Variants in IGF2R observed in about 807,000 individuals in gnomAD.
IGF2R encodes cation-independent mannose-6-phosphate receptor.
A neutral mutation model predicts 270.6 loss-of-function variants in IGF2R; 91 were observed. The ratio of observed to expected loss-of-function variants is 0.34; its 90% CI spans 0.28 to 0.40. IGF2R has a LOEUF of 0.40. IGF2R is among the 10% of genes least tolerant of loss of function. IGF2R has a pLI of 1.00. For missense variants in IGF2R, 2,805 were observed against 3,188.3 expected, an observed-to-expected ratio of 0.88 and a Z score of 2.90; for synonymous variants, 1,316 against 1,258.9, an observed-to-expected ratio of 1.05 and a Z score of -0.96.
chr6:160,031,527 G>T (rs1777696227), intron 7 of IGF2R, among the ~76,000 whole-genome samples: 1 of 151,972 alleles, frequency 6.6e-6, no homozygotes, highest in African/African-American at 2.4e-5. Flanking sequence ...TCCTGTCTCT[G>T]TGGATTGGCC....
Position 160,063,540 on chromosome 6 carries a change from T to C in IGF2R, c.3796T>C (p.Ser1266Pro). ...TYYFRVCGKLSSDVCPTSDKS... is the reference protein window; with the variant it reads ...TYYFRVCGKLPSDVCPTSDKS... Reference sequence around the variant, plus strand: ...TTACTTCCGGGTCTGTGGGAAGCTTTCCTCAGACGTCTGCCCCACAAGTGA... The same window carrying C: ...TTACTTCCGGGTCTGTGGGAAGCTTCCCTCAGACGTCTGCCCCACAAGTGA... The change falls in exon 27 of 48, where the codon TCC becomes CCC. Residue 1266 changes from serine (S) to proline (P), a missense_variant. Ser to Pro is a moderately conservative substitution (Grantham distance 74, BLOSUM62 -1). This residue lies in a region of IGF2R where 1,851 missense variants were observed against 2,207.2 expected (regional missense o/e 0.84). Transcript: ENST00000356956. 1.2e-6 allele frequency: 2 copies of C among 1,614,178 alleles called. No individual in the cohort carries two copies. The highest frequency in any genetic ancestry group is 1.7e-6 in the Non-Finnish European group (2 of 1,179,992).
intron 9 of IGF2R, among the ~76,000 whole-genome samples, chr6:160,033,630 A>G (rs2115234365): frequency 6.6e-6 from 1 of 152,388 alleles, no homozygotes; most frequent in Non-Finnish European, 1.5e-5. Flanking sequence ...TGCTTCTGTT[A>G]GAACTGTTCA....
chr6:160,079,593 C>A lies in IGF2R; in HGVS notation c.5492C>A (p.Ser1831Ter). Reference sequence around the variant, plus strand: ...GTTTTTGTCCAGGTGACTCGCGACTCGCGCACCTACAGCGTTGGGGTGTGC... The same window carrying A: ...GTTTTTGTCCAGGTGACTCGCGACTAGCGCACCTACAGCGTTGGGGTGTGC... ...STSTFKVTRD[S>*]RTYSVGVCTF... The change falls in exon 38 of 48, where the codon TCG becomes TAG. Residue 1831 changes from serine (S) to a stop codon, truncating the protein, a stop_gained. Transcript: ENST00000356956. LOFTEE classifies it high-confidence loss of function. 6.9e-7 allele frequency: 1 copy of A among 1,448,962 alleles called. No homozygotes were observed. Among genetic ancestry groups the A allele is most frequent in the South Asian group, 1.6e-5 (1 of 64,420 alleles). 89.8% of individuals were successfully genotyped at this position (1,448,962 alleles called of 1,614,324 possible). A position where few individuals can be genotyped will look rare whatever the true frequency, so the allele number is the denominator to read the frequency against.
rs145561533 is a variant in IGF2R at position 159,994,170 on chromosome 6, G to A, written c.289+2847G>A. ...TCTTTTCAGGATTTCTGTTTCTTCC[G>A]ATTCAATCTTGGGAGGTTGTATGTT... On this transcript the variant is annotated intron_variant, in intron 2 of 47. Coordinates refer to ENST00000356956, the MANE Select transcript of IGF2R (RefSeq NM_000876.4). Among the ~76,000 whole-genome samples the A allele has an allele frequency of 4.2e-4, 63 of 151,502 alleles. No individual in the cohort carries two copies. In the East Asian group the frequency reaches 0.011, roughly 26 times the overall value.
At chr6:160,000,615 G>T (rs1784112466) in intron 2 of IGF2R, among the ~76,000 whole-genome samples, 1 of 151,916 alleles carries the variant, frequency 6.6e-6, no homozygotes, top group African/African-American at 2.4e-5. Context: ...TTAAATGGTT[G>T]AATCATAGAG....
intron 4 of IGF2R, among the ~76,000 whole-genome samples, chr6:160,012,764 T>TATATATATATATATATATA (rs538085462): frequency 3.0e-4 from 18 of 60,412 alleles, no homozygotes; most frequent in East Asian, 2.3e-3. Context: ...TATATATATA[T>TATATATATATATATATATA]TTTTTTTTTT....
At chr6:160,069,816 T>C in intron 30 of IGF2R, 52 bp from the exon 31 acceptor site, 25 of 1,560,336 alleles carry the variant, frequency 1.6e-5, no homozygotes, top group Non-Finnish European at 2.2e-5. Flanking sequence ...GAAGTTCTGT[T>C]CTAGCCTGGG....
intron 4 of IGF2R, among the ~76,000 whole-genome samples, chr6:160,011,459 A>G (rs181558325): frequency 4.1e-4 from 62 of 151,198 alleles, no homozygotes; most frequent in East Asian, 1.8e-3. Flanking sequence ...ACTGACCTAT[A>G]TGTATTATGT....
At chr6:159,984,217 A>G (rs955789557) in intron 1 of IGF2R, among the ~76,000 whole-genome samples, 1 of 152,254 alleles carries the variant, frequency 6.6e-6, no homozygotes, top group Non-Finnish European at 1.5e-5. Context: ...GACGGACTGC[A>G]TAAACTACAG....
Position 160,027,227 on chromosome 6 carries a change from C to G in IGF2R, c.689C>G (p.Pro230Arg). 6.2e-7 allele frequency: 1 copy of G among 1,614,254 alleles called. No individual in the cohort carries two copies. The change falls in exon 6 of 48, where the codon CCC (proline) becomes CGC (arginine). Residue 230 changes from proline to arginine, a missense_variant. Pro to Arg is a moderately radical substitution (Grantham distance 103, BLOSUM62 -2). This residue lies in a region of IGF2R where 954 missense variants were observed against 981.1 expected (regional missense o/e 0.97). Transcript: ENST00000356956. ...DPGSQLRACPPGTAACLVRGH... is the reference protein window; with the variant it reads ...DPGSQLRACPRGTAACLVRGH... ...GGTTCACAGCTGCGGGCCTGTCCCC[C>G]CGGCACTGCCGCCTGCCTGGTAAGA...
intron 1 of IGF2R, 113 bp from the exon 2 acceptor site, chr6:159,991,071 T>C: frequency 2.0e-6 from 2 of 1,008,820 alleles, no homozygotes; most frequent in Non-Finnish European, 2.9e-6. Context: ...CTAAGGAAAG[T>C]GTATTTTCTA....
chr6:160,087,837 G>A (rs1214890881), intron 41 of IGF2R, among the ~76,000 whole-genome samples, 196 bp from the exon 42 acceptor site: 5 of 152,170 alleles, frequency 3.3e-5, no homozygotes, highest in Admixed American at 1.3e-4. Flanking sequence ...CACCGTGCCC[G>A]AATAATTTTT....
At chr6:160,072,492 C>A (rs899254050) in intron 32 of IGF2R, among the ~76,000 whole-genome samples, 9 of 152,206 alleles carry the variant, frequency 5.9e-5, no homozygotes, top group Non-Finnish European at 1.0e-4. Flanking sequence ...TCTCCCCATG[C>A]CCACCAGACT....
chr6:160,069,816 T>A, intron 30 of IGF2R, 52 bp from the exon 31 acceptor site: 3 of 1,560,336 alleles, frequency 1.9e-6, no homozygotes, highest in Non-Finnish European at 2.6e-6. Flanking sequence ...GAAGTTCTGT[T>A]CTAGCCTGGG....
chr6:160,045,872 C>A lies in IGF2R; in HGVS notation c.1893C>A (p.Asp631Glu). ...KTEGENCTVF[D>E]SQAGFSFDLS... Reference sequence around the variant, plus strand: ...AAGGGGAGAACTGCACGGTCTTTGACTCCCAGGCAGGTCTGTGTCCAAGCA... The same window carrying A: ...AAGGGGAGAACTGCACGGTCTTTGAATCCCAGGCAGGTCTGTGTCCAAGCA... The change falls in exon 14 of 48, where the codon GAC (aspartate) becomes GAA (glutamate). Residue 631 changes from aspartate to glutamate, a missense_variant. Around this residue, in one of 2 missense-constraint regions of IGF2R, gnomAD observed 954 missense variants for 981.1 expected, o/e 0.97. Coordinates refer to ENST00000356956, the MANE Select transcript of IGF2R (RefSeq NM_000876.4). 2 of 1,567,046 alleles carry A rather than the reference C, an allele frequency of 1.3e-6. No individual in the cohort carries two copies. Among genetic ancestry groups the A allele is most frequent in the South Asian group, 2.4e-5 (2 of 83,668 alleles).
intron 2 of IGF2R, chr6:160,006,354 A>C (rs910911386): frequency 6.6e-6 from 1 of 152,424 alleles, no homozygotes; most frequent in Non-Finnish European, 1.5e-5. Flanking sequence ...CGCTGAGCCC[A>C]CCCCCGCCCC....
intron 2 of IGF2R, among the ~76,000 whole-genome samples, chr6:159,999,230 A>G (rs1230469355): frequency 1.3e-5 from 2 of 152,214 alleles, no homozygotes; most frequent in Non-Finnish European, 2.9e-5. Flanking sequence ...CAATTGAAGT[A>G]GGTTTTTTGA....
At chr6:160,010,447 C>T (rs565243812) in intron 3 of IGF2R, 45 of 391,884 alleles carry the variant, frequency 1.1e-4, no homozygotes, top group African/African-American at 3.4e-4. Context: ...ACAGCTGGGG[C>T]GGTAGAATTC....
rs1783973562 is a variant in IGF2R, at chr6:159,991,217, T to C, written c.183T>C (p.Asn61=). 6.2e-7 allele frequency: 1 copy of C among 1,613,004 alleles called. No individual in the cohort carries two copies. The highest frequency in any genetic ancestry group is 8.5e-7 in the Non-Finnish European group (1 of 1,179,308). Residue 61 remains asparagine (N), a synonymous_variant, in exon 2 of 48, where the codon AAT becomes AAC. Coordinates refer to ENST00000356956, the MANE Select transcript of IGF2R (RefSeq NM_000876.4). ...YTWEAVDTKN[N]VLYKINICGS... is the part of the protein sequence containing the mutation. Reference sequence around the variant, plus strand: ...GGGAAGCTGTTGATACCAAAAATAATGTACTTTATAAAATCAACATCTGTG... The same window carrying C: ...GGGAAGCTGTTGATACCAAAAATAACGTACTTTATAAAATCAACATCTGTG...
Sources: allele counts gnomAD v4.1 joint callset (sites outside exome capture counted in the v4.1 genomes callset), GRCh38; gene constraint gnomAD v4.1.1; regional missense constraint gnomAD v4.1.1; transcripts MANE v1.5; gene names NCBI Gene and HGNC (gene_info 2026-07-23, HGNC 2026-07-21).